TRAF2: variants seen among roughly 807,000 people sequenced by gnomAD.
TRAF2 encodes TNF receptor associated factor 2, also known as TNF receptor-associated factor 2.
TRAF2 carries 6 observed loss-of-function variants against 55.6 expected under a neutral mutation model. The observed-to-expected ratio is 0.11, with a 90% confidence interval of 0.06 to 0.21. TRAF2 has a LOEUF of 0.21. TRAF2 is among the 10% of genes least tolerant of loss of function. TRAF2 has a pLI of 1.00. For synonymous variants in TRAF2, 329 were observed against 276.3 expected (o/e 1.19, Z -1.89); for missense variants, 561 against 684.5 (o/e 0.82, Z 2.01).
chr9:136,894,411 T>G (rs528752590), intron 1 of TRAF2, among the ~76,000 whole-genome samples: 13 of 151,878 alleles, frequency 8.6e-5, no homozygotes, highest in South Asian at 6.2e-4. Flanking sequence ...CTGGGGACAT[T>G]ACATGGGAGT....
intron 4 of TRAF2, among the ~76,000 whole-genome samples, chr9:136,900,854 G>A (rs766209605): frequency 5.9e-5 from 9 of 152,150 alleles, no homozygotes; most frequent in Non-Finnish European, 1.3e-4. Flanking sequence ...GCCTGTGTGA[G>A]CCCTGGGAAT....
At chr9:136,901,228 G>A (rs1423322039) in intron 4 of TRAF2, among the ~76,000 whole-genome samples, 5 of 152,210 alleles carry the variant, frequency 3.3e-5, no homozygotes, top group African/African-American at 1.2e-4. Flanking sequence ...AGCTCGTCGA[G>A]GCCACTACAG....
chr9:136,893,541 T>C (rs1849622282), intron 1 of TRAF2, among the ~76,000 whole-genome samples: 1 of 152,170 alleles, frequency 6.6e-6, no homozygotes, highest in Non-Finnish European at 1.5e-5. Flanking sequence ...GTCTCTCCTG[T>C]AGAGGATTAG....
At position 136,898,724 on chromosome 9, in the gene TRAF2, C is replaced by T. The variant is rs748779634; in HGVS notation, c.-17C>T. On this transcript the variant is annotated 5_prime_UTR_variant, in exon 2 of 11. Transcript: ENST00000247668. The stretch of plus-strand genomic sequence containing the variant: ...GTGTTCTTCCTTAGGGCTTTGTTCG[C>T]GGGGGTCACAGCTCTCATGGCTGCA... 1.1e-5 allele frequency: 17 copies of T among 1,612,756 alleles called. No homozygotes were observed. Among genetic ancestry groups the T allele is most frequent in the African/African-American group, 6.7e-5 (5 of 74,912 alleles).
Position 136,925,915 on chromosome 9 carries a change from G to C in TRAF2, c.*14G>C. 6.2e-7 allele frequency: 1 copy of C among 1,613,528 alleles called. No homozygotes were observed. The highest frequency in any genetic ancestry group is 1.1e-5 in the South Asian group (1 of 91,082). On this transcript the variant is annotated 3_prime_UTR_variant, in exon 11 of 11. Transcript: ENST00000247668. ...ACAGGGCTCTAACTGCCCCCTACTGGTGTCTGGGGGTTGGGGGCAGCCAGG... is the reference window on the plus strand; with the variant it reads ...ACAGGGCTCTAACTGCCCCCTACTGCTGTCTGGGGGTTGGGGGCAGCCAGG...
rs1462267916 is a variant in TRAF2 at position 136,886,541 on chromosome 9, G to A, written c.-29G>A. On this transcript the variant is annotated splice_region_variant and 5_prime_UTR_variant, in exon 1 of 11. Transcript: ENST00000247668. ...AGTTCCGGGCGCGCTGCGACCGTTGGGTGAGGCGAGCGCGGGGTCGGGTGC... is the reference window on the plus strand; with the variant it reads ...AGTTCCGGGCGCGCTGCGACCGTTGAGTGAGGCGAGCGCGGGGTCGGGTGC... 62 of 987,322 alleles carry A rather than the reference G, an allele frequency of 6.3e-5. No homozygotes were observed. The highest frequency in any genetic ancestry group is 6.9e-5 in the Non-Finnish European group (57 of 831,510). The allele number at this position is 987,322 out of a possible 1,614,324, so 61.2% of individuals were successfully genotyped here.
At chr9:136,913,100 G>A (rs1196777544) in intron 6 of TRAF2, among the ~76,000 whole-genome samples, 2 of 151,514 alleles carry the variant, frequency 1.3e-5, no homozygotes, top group South Asian at 2.1e-4. Context: ...CCAAGATCGC[G>A]CCAGTGCGCT....
intron 3 of TRAF2, 140 bp from the exon 4 acceptor site, chr9:136,900,282 A>G (rs1849787448): frequency 1.5e-5 from 8 of 546,830 alleles, no homozygotes; most frequent in Non-Finnish European, 9.5e-6. Flanking sequence ...AAGGAATCAG[A>G]GAGTCATCCT....
chr9:136,915,429 G>A lies in TRAF2; in HGVS notation c.604-1112G>A, dbSNP rs148433526. 2.3e-4 allele frequency among the ~76,000 whole-genome samples: 35 copies of A among 152,180 alleles called. No individual in the cohort carries two copies. The Middle Eastern group carries it at 0.01, about 44-fold the overall frequency. ...GAGAAACACATCAGTCCTCTGTATC[G>A]GGGGTCCACGCCGTGGATCCAGCCA... On this transcript the variant is annotated intron_variant, in intron 6 of 10. Transcript: ENST00000247668.
At chr9:136,916,379 G>A (rs753961668) in intron 6 of TRAF2, among the ~76,000 whole-genome samples, 162 bp from the exon 7 acceptor site, 5 of 152,038 alleles carry the variant, frequency 3.3e-5, no homozygotes, top group Non-Finnish European at 7.4e-5. Context: ...GTGTGTGAGC[G>A]TGTCGCTTTG....
In TRAF2 at chr9:136,923,908, G is replaced by C; in HGVS notation, c.1195G>C (p.Asp399His). The change falls in exon 10 of 11, where the codon GAC (aspartate) becomes CAC (histidine). Residue 399 changes from aspartate (D) to histidine (H), a missense_variant. By Grantham distance (81) the Asp-to-His change is moderately conservative. Around this residue, in one of 2 missense-constraint regions of TRAF2, gnomAD observed 135 missense variants for 207.7 expected, o/e 0.65. Coordinates refer to ENST00000247668, the MANE Select transcript of TRAF2 (RefSeq NM_021138.4). Reference sequence around the variant, plus strand: ...GTGTCTGCGTATCTACCTGAACGGCGACGGCACCGGGCGAGGAACACACCT... The same window carrying C: ...GTGTCTGCGTATCTACCTGAACGGCCACGGCACCGGGCGAGGAACACACCT... ...KMCLRIYLNG[D>H]GTGRGTHLSL... is the part of the protein sequence containing the mutation. The C allele has an allele frequency of 1.2e-6, 2 of 1,613,954 alleles. No homozygotes were observed. The highest frequency in any genetic ancestry group is 1.3e-5 in the African/African-American group (1 of 75,020).
At chr9:136,891,290 A>G (rs946169089) in intron 1 of TRAF2, among the ~76,000 whole-genome samples, 2 of 150,312 alleles carry the variant, frequency 1.3e-5, no homozygotes, top group Non-Finnish European at 3.0e-5. Context: ...TTGTATTTTT[A>G]GTGGAGACGG....
At chr9:136,897,957 CG>C (rs1564407211) in intron 1 of TRAF2, among the ~76,000 whole-genome samples, 1 of 134,054 alleles carries the variant, frequency 7.5e-6, no homozygotes, top group African/African-American at 2.9e-5. Context: ...TTCCCGCTCT[CG>C]GGGCTGGAGG....
At chr9:136,922,778 GGAGGATGGGCCTGGGGGCATGTGGAGGAC>G in intron 9 of TRAF2, among the ~76,000 whole-genome samples, 1 of 140,086 alleles carries the variant, frequency 7.1e-6, no homozygotes, top group African/African-American at 2.7e-5. Flanking sequence ...TAGGACGGGG[GGAGGATGGGCCTGGGGGCATGTGGAGGAC>G]GAGGATGGGG....
chr9:136,907,987 A>G, intron 4 of TRAF2, 83 bp from the exon 5 acceptor site: 1 of 1,520,826 alleles, frequency 6.6e-7, no homozygotes, highest in Non-Finnish European at 8.8e-7. Context: ...CCAGCGCTAC[A>G]TCGCCTTGTG....
In TRAF2 at chr9:136,924,936, T is replaced by A. The variant is rs186350841; in HGVS notation, c.1288-747T>A. On this transcript the variant is annotated intron_variant, in intron 10 of 10. Transcript: ENST00000247668. ...GTATTTTTAGTAGAGATGGGGTTTCTCCATGTTGGCCAGGCTGGTCTTGAT... is the reference window on the plus strand; with the variant it reads ...GTATTTTTAGTAGAGATGGGGTTTCACCATGTTGGCCAGGCTGGTCTTGAT... 1.8e-3 allele frequency among the ~76,000 whole-genome samples: 274 copies of A among 152,148 alleles called. 4 individuals are homozygous for A. The East Asian group carries it at 0.032, about 18-fold the overall frequency.
At chr9:136,910,048 C>A in intron 6 of TRAF2, 54 bp downstream of exon 6, 1 of 1,375,332 alleles carries the variant, frequency 7.3e-7, no homozygotes, top group Non-Finnish European at 1.0e-6. Context: ...ATGTGTTGGA[C>A]GTGAGGGTCC....
intron 6 of TRAF2, among the ~76,000 whole-genome samples, chr9:136,913,679 G>A (rs1850175444): frequency 6.6e-6 from 1 of 152,078 alleles, no homozygotes; most frequent in African/African-American, 2.4e-5. Context: ...TTTGCTTCAG[G>A]TTCTTTTAAA....
chr9:136,903,127 T>G (rs553831071), intron 4 of TRAF2, among the ~76,000 whole-genome samples: 7 of 152,176 alleles, frequency 4.6e-5, no homozygotes, highest in Non-Finnish European at 1.0e-4. Flanking sequence ...TTTTTTATAT[T>G]TCTAGTAGAG....
Sources: gnomAD v4.1 joint callset for allele counts (sites outside exome capture counted in the v4.1 genomes callset) on GRCh38, gnomAD v4.1.1 for gene constraint, gnomAD v4.1.1 regional missense constraint, MANE v1.5 for transcripts, NCBI Gene and HGNC (gene_info 2026-07-23, HGNC 2026-07-21) for gene names.